Variants in CYP24A1 observed in about 807,000 individuals in gnomAD.
CYP24A1 encodes the protein cytochrome P450 family 24 subfamily A member 1, also known as 1,25-dihydroxyvitamin D(3) 24-hydroxylase, mitochondrial.
CYP24A1 carries 68 observed loss-of-function variants against 62.4 expected under a neutral mutation model. That is an observed-to-expected ratio of 1.09 (90% CI 0.90 to 1.33). The LOEUF is 1.33. Among genes scored for constraint, CYP24A1 ranks in the 40% most tolerant of loss-of-function variants. The probability of loss-of-function intolerance (pLI) is 0.00; values close to 1 mark genes in which losing one functional copy is unlikely to be tolerated. For synonymous variants in CYP24A1, 267 were observed against 253.0 expected, an observed-to-expected ratio of 1.06 and a Z score of -0.52; for missense variants, 787 against 653.0, an observed-to-expected ratio of 1.21 and a Z score of -2.24.
At position 54,164,791 on chromosome 20, in the gene CYP24A1, T is replaced by A. The variant is rs116380799; in HGVS notation, c.733-228A>T. ...ATGTGGGGGATGATTTTCCACTGGATGTGTTTGATAAAAATTGTAATCTTA... is the reference window on the plus strand; with the variant it reads ...ATGTGGGGGATGATTTTCCACTGGAAGTGTTTGATAAAAATTGTAATCTTA... On this transcript the variant is annotated intron_variant, in intron 5 of 11. Transcript: ENST00000216862. Among the ~76,000 whole-genome samples, 166 of 149,324 alleles carry A rather than the reference T, an allele frequency of 1.1e-3. 1 individual carries two copies. Among genetic ancestry groups the A allele is most frequent in the African/African-American group, 3.9e-3 (158 of 40,372 alleles).
intron 3 of CYP24A1, among the ~76,000 whole-genome samples, chr20:54,170,159 A>C (rs1427740502): frequency 6.6e-6 from 1 of 152,132 alleles, no homozygotes; most frequent in African/African-American, 2.4e-5. Context: ...TTGGAACCAG[A>C]AGATCTACCA....
In CYP24A1 at chr20:54,157,189, C is replaced by A. The variant is rs1225652345; in HGVS notation, c.1535G>T (p.Cys512Phe). Residue 512 changes from cysteine to phenylalanine, a missense_variant, in exon 11 of 12, where the codon TGC (cysteine) becomes TTC (phenylalanine). Cys to Phe is a radical substitution (Grantham distance 205). Transcript: ENST00000216862. The stretch of plus-strand genomic sequence containing the variant: ...CTCACCTGAGGCGTATTATCGCTGG[C>A]AAAACGCGATGGGGAGTTCCCGGCT... Reference protein sequence around the residue: ...VPSRELPIAFCQR With the variant: ...VPSRELPIAFFQR 3.1e-6 allele frequency: 5 copies of A among 1,590,406 alleles called. No homozygotes were observed. The African/African-American group carries it at 6.7e-5, about 21-fold the overall frequency.
At chr20:54,165,486 C>A (rs1042005382) in intron 5 of CYP24A1, among the ~76,000 whole-genome samples, 17 of 152,306 alleles carry the variant, frequency 1.1e-4, no homozygotes, top group East Asian at 5.8e-4. Context: ...ATCCTCCCTC[C>A]CCTGCCCCAC....
At position 54,157,272 on chromosome 20, in the gene CYP24A1, G is replaced by A; in HGVS notation, c.1452C>T (p.Asp484=). ...CAGGCTCATTGTCTGTGGCCTGGAT[G>A]TCGTATTTGCGGACAATCTGTAATG... ...LALCWIVRKY[D]IQATDNEPVE... The change falls in exon 11 of 12, where the codon GAC becomes GAT. Residue 484 remains aspartate (D), a synonymous_variant. Coordinates refer to ENST00000216862, the MANE Select transcript of CYP24A1 (RefSeq NM_000782.5). 4 of 1,610,358 alleles carry A rather than the reference G, an allele frequency of 2.5e-6. No homozygotes were observed. The highest frequency in any genetic ancestry group is 2.5e-6 in the Non-Finnish European group (3 of 1,176,644).
intron 7 of CYP24A1, 33 bp from the exon 8 acceptor site, chr20:54,159,156 T>C: frequency 6.5e-7 from 1 of 1,549,518 alleles, no homozygotes; most frequent in Non-Finnish European, 8.9e-7. Context: ...CTTGAGTTTT[T>C]GTAAATAACT....
chr20:54,164,695 C>G (rs952621078), intron 5 of CYP24A1, 132 bp from the exon 6 acceptor site: 76 of 1,534,682 alleles, frequency 5.0e-5, no homozygotes, highest in Non-Finnish European at 6.3e-5. Flanking sequence ...AGGACACCCC[C>G]GGCTCTCTCT....
chr20:54,161,984 G>A (rs1194380819), intron 7 of CYP24A1, among the ~76,000 whole-genome samples: 1 of 152,174 alleles, frequency 6.6e-6, no homozygotes, highest in African/African-American at 2.4e-5. Flanking sequence ...ATCACAGCTC[G>A]AACTAGTATC....
At chr20:54,145,720 C>T in the CYP24A1 span, among the ~76,000 whole-genome samples, 1 of 151,204 alleles carries the variant, frequency 6.6e-6, no homozygotes, top group Non-Finnish European at 1.5e-5. Flanking sequence ...CCTGCTTCAT[C>T]AAAACAGATG....
Position 54,165,840 on chromosome 20 carries a change from T to C in CYP24A1, c.641-7A>G, listed in dbSNP as rs182993972. The C allele has an allele frequency of 3.8e-5, 47 of 1,242,686 alleles. No individual in the cohort carries two copies. The East Asian group carries it at 9.0e-4, about 24-fold the overall frequency. The allele number at this position is 1,242,686 out of a possible 1,614,324, so 77.0% of individuals were successfully genotyped here. On this transcript the variant is annotated splice_polypyrimidine_tract_variant and splice_region_variant and intron_variant, in intron 4 of 11. Transcript: ENST00000216862. ...TACAACACGAGGCAGATACCTGTCA[T>C]TTAAAATAATCATCACTTTACACAA...
intron 7 of CYP24A1, among the ~76,000 whole-genome samples, chr20:54,159,754 A>C (rs1312549094): frequency 6.6e-6 from 1 of 152,222 alleles, no homozygotes; most frequent in South Asian, 2.1e-4. Context: ...TGGTGAAATG[A>C]GAATATTAGT....
At chr20:54,148,379 C>G in the CYP24A1 span, among the ~76,000 whole-genome samples, 15 of 149,818 alleles carry the variant, frequency 1.0e-4, no homozygotes, top group African/African-American at 3.7e-4. Context: ...GACACACACA[C>G]ACACACACAC....
At chr20:54,167,060 C>G (rs927365909) in intron 4 of CYP24A1, among the ~76,000 whole-genome samples, 1 of 152,004 alleles carries the variant, frequency 6.6e-6, no homozygotes, top group Non-Finnish European at 1.5e-5. Context: ...TACAGGATTA[C>G]TGCAACCAAC....
chr20:54,152,376 C>T (rs1042869587), downstream of CYP24A1, among the ~76,000 whole-genome samples: 1 of 152,222 alleles, frequency 6.6e-6, no homozygotes, highest in Non-Finnish European at 1.5e-5. Flanking sequence ...GCTGGAACTT[C>T]ACTCAAAACC....
In CYP24A1 at chr20:54,173,741, G is replaced by A. The variant is rs2092703876; in HGVS notation, c.-162C>T. Reference sequence around the variant, plus strand: ...GGTGAGGCGGGACAGGCAGCAGAAAGGACCTCGGCGAGGATGCTCGACGCT... The same window carrying A: ...GGTGAGGCGGGACAGGCAGCAGAAAAGACCTCGGCGAGGATGCTCGACGCT... On this transcript the variant is annotated 5_prime_UTR_variant, in exon 1 of 12. Transcript: ENST00000216862. This position sits in a 1 kb window ranked among gnomAD's most constrained non-coding sequence, Gnocchi z 7.2. 2 of 615,834 alleles carry A rather than the reference G, an allele frequency of 3.2e-6. No individual in the cohort carries two copies. Among genetic ancestry groups the A allele is most frequent in the African/African-American group, 3.7e-5 (2 of 54,252 alleles). The allele number at this position is 615,834 out of a possible 1,614,324, so 38.1% of individuals were successfully genotyped here.
At chr20:54,170,152 G>C (rs1302120413) in intron 3 of CYP24A1, among the ~76,000 whole-genome samples, 2 of 152,106 alleles carry the variant, frequency 1.3e-5, no homozygotes, top group African/African-American at 4.8e-5. Flanking sequence ...GTTGAACTTG[G>C]AACCAGAAGA....
At chr20:54,156,004 CCT>C (rs1395217018) in intron 11 of CYP24A1, among the ~76,000 whole-genome samples, 2 of 152,092 alleles carry the variant, frequency 1.3e-5, no homozygotes, top group Non-Finnish European at 2.9e-5. Context: ...CATGAGAACT[CCT>C]CTATTGTCAG....
rs1248826621 is a variant in CYP24A1, at chr20:54,164,470, C to T, written c.826G>A (p.Asp276Asn). ...CCTTTACCTGATTTGAAAATGGTGTCCCAGGCCAGAGTGTGGTCCTGCCAG... is the reference window on the plus strand; with the variant it reads ...CCTTTACCTGATTTGAAAATGGTGTTCCAGGCCAGAGTGTGGTCCTGCCAG... ...KVWQDHTLAW[D>N]TIFKSVKACI... The change falls in exon 6 of 12, where the codon GAC becomes AAC. Residue 276 changes from aspartate (D) to asparagine (N), a missense_variant. Asp to Asn is a conservative substitution (Grantham distance 23). Coordinates refer to ENST00000216862, the MANE Select transcript of CYP24A1 (RefSeq NM_000782.5). The T allele has an allele frequency of 9.9e-6, 16 of 1,614,094 alleles. No individual in the cohort carries two copies. Among genetic ancestry groups the T allele is most frequent in the Non-Finnish European group, 1.4e-5 (16 of 1,180,028 alleles).
intron 4 of CYP24A1, among the ~76,000 whole-genome samples, chr20:54,166,149 ACT>A (rs2092671195): frequency 6.6e-6 from 1 of 152,118 alleles, no homozygotes; most frequent in African/African-American, 2.4e-5. Context: ...TCGGGTCTGC[ACT>A]CTGCCTCTAA....
rs188826684 is a variant in CYP24A1 at position 54,170,533 on chromosome 20, G to C, written c.544-845C>G. On this transcript the variant is annotated intron_variant, in intron 3 of 11. Transcript: ENST00000216862. The stretch of plus-strand genomic sequence containing the variant: ...TGCAAGTTTAATTTGCCCGCATAGC[G>C]CATTTAAAAGTTCTTTGAATTTGTT... Among the ~76,000 whole-genome samples, 231 of 151,564 alleles carry C rather than the reference G, an allele frequency of 1.5e-3. 3 individuals carry two copies. Among genetic ancestry groups the C allele is most frequent in the African/African-American group, 5.5e-3 (227 of 40,958 alleles).
Sources: allele counts gnomAD v4.1 joint callset (sites outside exome capture counted in the v4.1 genomes callset), GRCh38; gene constraint gnomAD v4.1.1; non-coding constraint Gnocchi (gnomAD v3.1); transcripts MANE v1.5; gene names NCBI Gene and HGNC (gene_info 2026-07-23, HGNC 2026-07-21).